OR51B5: variants seen among roughly 807,000 people sequenced by gnomAD.
OR51B5 encodes the protein olfactory receptor family 51 subfamily B member 5, also known as olfactory receptor 51B5.
For synonymous variants in OR51B5, 186 were observed against 144.8 expected (o/e 1.28, Z -2.04); for missense variants, 456 against 374.6 (o/e 1.22, Z -1.79).
intron 1 of OR51B5, among the ~76,000 whole-genome samples, chr11:5,502,232 T>C (rs907768459): frequency 6.6e-6 from 1 of 152,140 alleles, no homozygotes; most frequent in Non-Finnish European, 1.5e-5. Context: ...AGAATCAATG[T>C]CTCTACATGG....
downstream of OR51B5, chr11:5,341,030 AAGCTGATTT>A (rs1432026523): frequency 6.6e-6 from 1 of 152,132 alleles, no homozygotes; most frequent in Non-Finnish European, 1.5e-5. Context: ...AAACATGATA[AAGCTGATTT>A]TTTTATATGT....
chr11:5,445,015 T>TGCC (rs1850740562), intron 1 of OR51B5, among the ~76,000 whole-genome samples: 1 of 152,180 alleles, frequency 6.6e-6, no homozygotes, highest in Admixed American at 6.5e-5. Flanking sequence ...ACATTCACAT[T>TGCC]GCCTCATTCA....
rs534676086 is a variant in OR51B5, at chr11:5,486,421, C to CAA, written n.84+19147_84+19148insTT. On this transcript the variant is annotated intron_variant and non_coding_transcript_variant, in intron 1 of 4. Coordinates refer to the OR51B5 transcript ENST00000415970. The stretch of plus-strand genomic sequence containing the variant: ...AGTGACTGGTCCATGGTATGTGCCG[C>CAA]TAAATACTGTTGGGTTACTGGAGAC... 4.8e-4 allele frequency among the ~76,000 whole-genome samples: 70 copies of CAA among 146,054 alleles called. 1 individual carries two copies. The South Asian group carries it at 0.014, about 29-fold the overall frequency.
At chr11:5,373,520 G>A (rs2133709220) in intron 1 of OR51B5, among the ~76,000 whole-genome samples, 1 of 152,262 alleles carries the variant, frequency 6.6e-6, no homozygotes. Context: ...CCGAAGCAGG[G>A]TGAGGCATTG....
upstream of OR51B5, among the ~76,000 whole-genome samples, chr11:5,347,709 A>AC (rs1344633313): frequency 6.6e-6 from 1 of 152,144 alleles, no homozygotes; most frequent in African/African-American, 2.4e-5. Context: ...GTGCTGTTCA[A>AC]AGCCCAATAC....
intron 1 of OR51B5, among the ~76,000 whole-genome samples, chr11:5,372,376 A>G (rs891384948): frequency 6.6e-6 from 1 of 152,194 alleles, no homozygotes; most frequent in Non-Finnish European, 1.5e-5. Flanking sequence ...GTTAACTTAC[A>G]TTCCCACCAG....
chr11:5,358,571 G>A (rs1487555722), intron 1 of OR51B5, among the ~76,000 whole-genome samples: 2 of 152,188 alleles, frequency 1.3e-5, no homozygotes, highest in Non-Finnish European at 2.9e-5. Context: ...GGTACAAGGA[G>A]GAGCTGGTAC....
chr11:5,396,777 G>A (rs1264252223), intron 1 of OR51B5, among the ~76,000 whole-genome samples: 1 of 151,980 alleles, frequency 6.6e-6, no homozygotes. Context: ...CAAAGCTGGA[G>A]GCATCACACT....
At chr11:5,390,668 AC>A (rs1849782055) in intron 1 of OR51B5, 2 of 331,546 alleles carry the variant, frequency 6.0e-6, no homozygotes, top group East Asian at 9.8e-5. Flanking sequence ...CTAAAATGAA[AC>A]TAAATAAAAA....
rs191163240 is a variant in OR51B5, at chr11:5,413,137, C to A, written n.85-66227G>T. The stretch of plus-strand genomic sequence containing the variant: ...AGCATTCGCGGTTCACGAAAAACCA[C>A]TGTTCTGCAGACACTGCTGCTGATA... On this transcript the variant is annotated intron_variant and non_coding_transcript_variant, in intron 1 of 4. Transcript: ENST00000415970. Among the ~76,000 whole-genome samples the A allele has an allele frequency of 5.9e-4, 90 of 152,330 alleles. 1 individual carries two copies. Among genetic ancestry groups the A allele is most frequent in the African/African-American group, 2.1e-3 (88 of 41,578 alleles).
At chr11:5,464,307 C>T (rs1851100031) in intron 1 of OR51B5, among the ~76,000 whole-genome samples, 1 of 152,106 alleles carries the variant, frequency 6.6e-6, no homozygotes, top group Non-Finnish European at 1.5e-5. Context: ...TTTAATTATA[C>T]TTTAAGTTTT....
intron 1 of OR51B5, among the ~76,000 whole-genome samples, chr11:5,475,314 T>C (rs1267451639): frequency 2.6e-5 from 4 of 152,188 alleles, no homozygotes; most frequent in Admixed American, 6.5e-5. Flanking sequence ...CAACTTTACA[T>C]TGAATATATT....
chr11:5,364,959 G>GA (rs11291274), intron 1 of OR51B5, among the ~76,000 whole-genome samples: 1 of 151,748 alleles, frequency 6.6e-6, no homozygotes, highest in Non-Finnish European at 1.5e-5. Context: ...GAGAGAGAGG[G>GA]AAAAAAATGA....
chr11:5,441,877 C>T (rs1564814991), intron 1 of OR51B5, among the ~76,000 whole-genome samples: 1 of 152,174 alleles, frequency 6.6e-6, no homozygotes, highest in Non-Finnish European at 1.5e-5. Flanking sequence ...ATAGATGGAA[C>T]ATCTACTACT....
At chr11:5,441,196 G>A in intron 1 of OR51B5, 1 of 1,613,964 alleles carries the variant, frequency 6.2e-7, no homozygotes, top group East Asian at 2.2e-5. Flanking sequence ...GAGAAAGTGT[G>A]GATGAAGAAC....
At chr11:5,434,711 C>T (rs184219166) in intron 1 of OR51B5, among the ~76,000 whole-genome samples, 83 of 152,276 alleles carry the variant, frequency 5.5e-4, no homozygotes, top group African/African-American at 1.9e-3. Context: ...TTAACTCAAT[C>T]TGTGGATGGA....
upstream of OR51B5, among the ~76,000 whole-genome samples, chr11:5,344,960 C>T (rs1045489459): frequency 6.6e-6 from 1 of 152,122 alleles, no homozygotes; most frequent in East Asian, 1.9e-4. Flanking sequence ...ACTGAGACCT[C>T]AATACAAAAG....
intron 1 of OR51B5, among the ~76,000 whole-genome samples, chr11:5,490,926 G>A (rs1320525772): frequency 1.3e-5 from 2 of 152,188 alleles, no homozygotes; most frequent in Non-Finnish European, 2.9e-5. Flanking sequence ...ATTTATAAAG[G>A]TATGCTAGAT....
chr11:5,384,745 A>G (rs909624954), intron 1 of OR51B5, among the ~76,000 whole-genome samples: 1 of 152,216 alleles, frequency 6.6e-6, no homozygotes, highest in African/African-American at 2.4e-5. Context: ...TTAACATAGA[A>G]AAGACCCCAT....
Sources: allele counts gnomAD v4.1 joint callset (sites outside exome capture counted in the v4.1 genomes callset), GRCh38; gene constraint gnomAD v4.1.1; transcripts MANE v1.5; gene names NCBI Gene and HGNC (gene_info 2026-07-23, HGNC 2026-07-21).